Variants in DNAI2 observed in about 807,000 individuals in gnomAD.
DNAI2 encodes the protein dynein, axonemal, intermediate polypeptide 2.
A neutral mutation model predicts 74.7 loss-of-function variants in DNAI2; 63 were observed. The observed-to-expected ratio is 0.84, with a 90% CI of 0.69 to 1.04. DNAI2 has a LOEUF of 1.04. Ranked by LOEUF, DNAI2 falls within the 50% of genes least tolerant of loss-of-function variation. The probability of loss-of-function intolerance (pLI) is 0.00; values close to 1 mark genes in which losing one functional copy is unlikely to be tolerated. For missense variants in DNAI2, 688 were observed against 803.2 expected, an observed-to-expected ratio of 0.86 and a Z score of 1.73; for synonymous variants, 289 against 314.9, an observed-to-expected ratio of 0.92 and a Z score of 0.87.
chr17:74,301,115 G>A lies in DNAI2; in HGVS notation c.934G>A (p.Glu312Lys), dbSNP rs1255115881. 1.2e-6 allele frequency: 2 copies of A among 1,614,102 alleles called. No homozygotes were observed. The highest frequency in any genetic ancestry group is 2.2e-5 in the East Asian group (1 of 44,872). Reference protein sequence around the residue: ...EVVILDITKKEQLENALGAIS... With the variant: ...EVVILDITKKKQLENALGAIS... The stretch of plus-strand genomic sequence containing the variant: ...TGTGATCTTGGACATCACCAAGAAG[G>A]AACAGTTGGAAAATGCCTTGGGGGC... Residue 312 changes from glutamate (E) to lysine (K), a missense_variant, in exon 8 of 14, where the codon GAA becomes AAA. Glu to Lys is a moderately conservative substitution (Grantham distance 56). Transcript: ENST00000311014.
chr17:74,280,094 C>T (rs991786142), intron 1 of DNAI2, among the ~76,000 whole-genome samples: 4 of 152,166 alleles, frequency 2.6e-5, no homozygotes, highest in South Asian at 2.1e-4. Context: ...CAGGTCAAAG[C>T]GCCAACCACT....
chr17:74,276,363 C>G (rs2051080476), intron 1 of DNAI2, among the ~76,000 whole-genome samples: 1 of 152,110 alleles, frequency 6.6e-6, no homozygotes, highest in Admixed American at 6.5e-5. Flanking sequence ...CTCTGGGACT[C>G]TAGGTTCCCA....
chr17:74,312,110 T>A lies in DNAI2; in HGVS notation c.1602T>A (p.Asp534Glu). The change falls in exon 12 of 14, where the codon GAT (aspartate) becomes GAA (glutamate). Residue 534 changes from aspartate to glutamate, a missense_variant. Asp to Glu is a conservative substitution (Grantham distance 45). Transcript: ENST00000311014. ...AGGGCAGGGATGAGGAGCAGACCGA[T>A]GAGGAGCTGGCCGTAGACCTGGAGG... is the stretch of plus-strand genomic sequence containing the variant. ...KAEGRDEEQT[D>E]EELAVDLEAL... is the part of the protein sequence containing the mutation. The A allele has an allele frequency of 6.2e-7, 1 of 1,613,622 alleles. No homozygotes were observed. Among genetic ancestry groups the A allele is most frequent in the Non-Finnish European group, 8.5e-7 (1 of 1,179,946 alleles).
At chr17:74,309,784 G>A in intron 10 of DNAI2, 2 of 651,690 alleles carry the variant, frequency 3.1e-6, no homozygotes, top group Non-Finnish European at 5.4e-6. Flanking sequence ...GGGCATTGGG[G>A]AACCACAGGG....
In DNAI2 at chr17:74,284,562, A is replaced by G. The variant is rs374469085; in HGVS notation, c.184-478A>G. 5.4e-4 allele frequency among the ~76,000 whole-genome samples: 82 copies of G among 151,986 alleles called. 1 individual carries two copies. The highest frequency in any genetic ancestry group is 6.8e-3 in the Middle Eastern group (2 of 294). ...CGAGTAGCTGGGACTACAGGCGCCC[A>G]CCACCACGCCCGGCTAATGTTTTGT... On this transcript the variant is annotated intron_variant, in intron 2 of 13. Coordinates refer to ENST00000311014, the MANE Select transcript of DNAI2 (RefSeq NM_023036.6).
intron 1 of DNAI2, among the ~76,000 whole-genome samples, chr17:74,276,178 T>TAG (rs1223463122): frequency 6.6e-6 from 1 of 152,158 alleles, no homozygotes; most frequent in Non-Finnish European, 1.5e-5. Context: ...TCTCCAGGAA[T>TAG]TACTTTGCTC....
chr17:74,302,908 C>G (rs2052945730), intron 8 of DNAI2, among the ~76,000 whole-genome samples: 2 of 152,204 alleles, frequency 1.3e-5, no homozygotes, highest in Admixed American at 6.5e-5. Flanking sequence ...ATTCCACTGA[C>G]CCCCTCCCCA....
intron 6 of DNAI2, among the ~76,000 whole-genome samples, chr17:74,294,522 C>G (rs1252773487): frequency 6.6e-6 from 1 of 151,412 alleles, no homozygotes; most frequent in Non-Finnish European, 1.5e-5. Context: ...TGCTATGTTG[C>G]CCAGGCTGGT....
chr17:74,282,164 C>T (rs1446534708), intron 2 of DNAI2, among the ~76,000 whole-genome samples, 164 bp downstream of exon 2: 1 of 152,162 alleles, frequency 6.6e-6, no homozygotes, highest in Admixed American at 6.5e-5. Flanking sequence ...CTGAGTTCCA[C>T]GCAGTGCTCA....
chr17:74,298,882 C>T (rs188205001), intron 6 of DNAI2, among the ~76,000 whole-genome samples: 1 of 152,114 alleles, frequency 6.6e-6, no homozygotes, highest in Non-Finnish European at 1.5e-5. Flanking sequence ...CCTCGGCCTC[C>T]TAATGCGCTA....
chr17:74,290,701 T>C (rs1567851822), intron 5 of DNAI2, among the ~76,000 whole-genome samples: 1 of 152,232 alleles, frequency 6.6e-6, no homozygotes, highest in Non-Finnish European at 1.5e-5. Context: ...GAGTTGACTT[T>C]GTGTAAAAAC....
intron 2 of DNAI2, 139 bp downstream of exon 2, chr17:74,282,139 G>A: frequency 1.0e-6 from 1 of 994,002 alleles, no homozygotes. Context: ...CTGGAAGTGA[G>A]GGCAGAGGCT....
chr17:74,305,615 A>G lies in DNAI2; in HGVS notation c.1211+173A>G, dbSNP rs531511243. Among the ~76,000 whole-genome samples the G allele has an allele frequency of 1.3e-4, 19 of 151,556 alleles. No homozygotes were observed. In the South Asian group the frequency reaches 4.0e-3, roughly 32 times the overall value. ...CTTGCTCCAGCCACTCCACAAAGTG[A>G]TAAGCTTCAAACACTCAGTTACTAA... On this transcript the variant is annotated intron_variant, in intron 9 of 13. Transcript: ENST00000311014.
intron 12 of DNAI2, 72 bp from the exon 13 acceptor site, chr17:74,314,049 T>G (rs1424778517): frequency 6.2e-7 from 1 of 1,609,692 alleles, no homozygotes; most frequent in Admixed American, 1.7e-5. Context: ...CTCGTGGGGT[T>G]CACATCCCAG....
chr17:74,277,384 C>CAA (rs34911667), intron 1 of DNAI2, among the ~76,000 whole-genome samples: 1 of 123,844 alleles, frequency 8.1e-6, no homozygotes, highest in Non-Finnish European at 1.7e-5. Flanking sequence ...GAATCCATCT[C>CAA]AAAAAAAAAA....
At chr17:74,285,525 A>G (rs2051665673) in intron 3 of DNAI2, among the ~76,000 whole-genome samples, 1 of 152,170 alleles carries the variant, frequency 6.6e-6, no homozygotes, top group Non-Finnish European at 1.5e-5. Flanking sequence ...ACTGAACTTC[A>G]AGCCTCTGCC....
chr17:74,309,676 G>A lies in DNAI2; in HGVS notation c.1347+288G>A, dbSNP rs11653157. Reference sequence around the variant, plus strand: ...ACCCGGCATCTCCTACCCACAGGCCGATTCCTTCAGAGCCCCTGGGGTTTG... The same window carrying A: ...ACCCGGCATCTCCTACCCACAGGCCAATTCCTTCAGAGCCCCTGGGGTTTG... On this transcript the variant is annotated intron_variant, in intron 10 of 13. Transcript: ENST00000311014. 40,498 of 659,788 alleles carry A rather than the reference G, an allele frequency of 0.061. 1,901 individuals are homozygous for A. Among genetic ancestry groups the A allele is most frequent in the African/African-American group, 0.17 (9,463 of 56,380 alleles). The allele number at this position is 659,788 out of a possible 1,614,324, so 40.9% of individuals were successfully genotyped here.
chr17:74,314,595 A>T lies in DNAI2; in HGVS notation c.*62A>T. ...TTCGTTTGTAACCTTGCAGACCCTC[A>T]ACCAGACTTGCATGGCCATGGCAGG... On this transcript the variant is annotated 3_prime_UTR_variant, in exon 14 of 14. Coordinates refer to ENST00000311014, the MANE Select transcript of DNAI2 (RefSeq NM_023036.6). The T allele has an allele frequency of 3.6e-6, 1 of 278,934 alleles. No homozygotes were observed. Among genetic ancestry groups the T allele is most frequent in the Non-Finnish European group, 7.2e-6 (1 of 138,794 alleles). The allele number at this position is 278,934 out of a possible 1,614,324, so 17.3% of individuals were successfully genotyped here.
chr17:74,282,376 C>T (rs886797312), intron 2 of DNAI2, among the ~76,000 whole-genome samples: 4 of 152,058 alleles, frequency 2.6e-5, no homozygotes, highest in African/African-American at 9.7e-5. Context: ...ACTCGACTTA[C>T]TGCAACCTTC....
Sources: gnomAD v4.1 joint callset for allele counts (sites outside exome capture counted in the v4.1 genomes callset) on GRCh38, gnomAD v4.1.1 for gene constraint, MANE v1.5 for transcripts, NCBI Gene and HGNC (gene_info 2026-07-23, HGNC 2026-07-21) for gene names.